The following CLDN10 variants were observed in gnomAD, a reference collection of about 807,000 sequenced individuals.
CLDN10 encodes the protein claudin 10, also known as claudin-10.
Under a neutral mutation model 22.9 loss-of-function variants are expected in CLDN10, and 15 were observed. The observed-to-expected ratio is 0.65, with a 90% confidence interval of 0.44 to 1.01. The LOEUF is 1.01. CLDN10 is among the 50% of genes least tolerant of loss of function. The pLI is 0.00. For synonymous variants in CLDN10, 114 were observed against 111.4 expected (o/e 1.02, Z -0.15); for missense variants, 247 against 287.8 (o/e 0.86, Z 1.03).
chr13:95,552,938 A>C lies in CLDN10; in HGVS notation c.185A>C (p.Asn62Thr), dbSNP rs374282781. The C allele has an allele frequency of 2.5e-6, 4 of 1,613,990 alleles. No individual in the cohort carries two copies. Among genetic ancestry groups the C allele is most frequent in the Non-Finnish European group, 3.4e-6 (4 of 1,179,960 alleles). The change falls in exon 1 of 5, where the codon AAC becomes ACC. Residue 62 changes from asparagine to threonine, a missense_variant. Transcript: ENST00000299339. The part of the protein sequence containing the change: ...ACVTDSTGVS[N>T]CKDFPSMLAL... ...GTTACCGACTCCACGGGCGTCTCCA[A>C]CTGCAAGGACTTCCCCTCCATGCTG...
intron 1 of CLDN10, among the ~76,000 whole-genome samples, chr13:95,439,234 G>A (rs141203416): frequency 9.9e-5 from 15 of 152,186 alleles, no homozygotes; most frequent in East Asian, 3.9e-4. Context: ...GTCCTAAATC[G>A]AGACACTGGC....
At chr13:95,525,942 T>C (rs1040773396) in intron 1 of CLDN10, among the ~76,000 whole-genome samples, 4 of 152,258 alleles carry the variant, frequency 2.6e-5, no homozygotes, top group Non-Finnish European at 5.9e-5. Flanking sequence ...TCTGGGTCTA[T>C]AAATCCTCTT....
upstream of CLDN10, among the ~76,000 whole-genome samples, chr13:95,550,481 ATAGGCG>A (rs2043551303): frequency 6.6e-6 from 1 of 152,226 alleles, no homozygotes; most frequent in Non-Finnish European, 1.5e-5. Flanking sequence ...AGTATCTACC[ATAGGCG>A]AGCCACGGTA....
intron 1 of CLDN10, among the ~76,000 whole-genome samples, chr13:95,444,890 G>A (rs2042357711): frequency 1.3e-5 from 2 of 152,170 alleles, no homozygotes; most frequent in African/African-American, 2.4e-5. Flanking sequence ...CTCCTCCAGG[G>A]TTCAAGTGAT....
chr13:95,516,775 A>G (rs2043171538), intron 1 of CLDN10, among the ~76,000 whole-genome samples: 1 of 152,072 alleles, frequency 6.6e-6, no homozygotes, highest in Non-Finnish European at 1.5e-5. Flanking sequence ...GGGGAATCTC[A>G]TCTTCTTAAG....
intron 1 of CLDN10, among the ~76,000 whole-genome samples, chr13:95,526,811 TAAATAAATAAAC>T (rs2043286531): frequency 9.1e-6 from 1 of 110,266 alleles, no homozygotes; most frequent in Non-Finnish European, 1.9e-5. Flanking sequence ...AATAAATAAA[TAAATAAATAAAC>T]ATGGCGAGAA....
At chr13:95,488,511 G>A (rs1366492606) in intron 1 of CLDN10, among the ~76,000 whole-genome samples, 2 of 94,696 alleles carry the variant, frequency 2.1e-5, no homozygotes, top group Admixed American at 9.9e-5. Flanking sequence ...TTTATCCCTT[G>A]CCCCCTCCCA....
intron 1 of CLDN10, among the ~76,000 whole-genome samples, chr13:95,446,802 A>G (rs1359996608): frequency 6.6e-6 from 1 of 152,146 alleles, no homozygotes; most frequent in East Asian, 1.9e-4. Flanking sequence ...AGATTGTGCC[A>G]CTGCACTCCA....
rs569110800 is a variant in CLDN10, at chr13:95,448,407, C to T, written c.214+14360C>T. ...GACCCAAATACAACAATGCAAGCTCCACACATAACTACCTACATACACATA... is the reference window on the plus strand; with the variant it reads ...GACCCAAATACAACAATGCAAGCTCTACACATAACTACCTACATACACATA... On this transcript the variant is annotated intron_variant, in intron 1 of 4. Transcript: ENST00000376873. 2.0e-5 allele frequency among the ~76,000 whole-genome samples: 3 copies of T among 152,302 alleles called. No homozygotes were observed. In the East Asian group the frequency reaches 5.8e-4, roughly 29 times the overall value.
intron 3 of CLDN10, among the ~76,000 whole-genome samples, chr13:95,567,033 A>G (rs2043796287): frequency 6.6e-6 from 1 of 152,128 alleles, no homozygotes; most frequent in South Asian, 2.1e-4. Flanking sequence ...GCCTTGTAGT[A>G]TAGTTTGAAG....
intron 1 of CLDN10, among the ~76,000 whole-genome samples, chr13:95,517,202 A>G (rs2043178240): frequency 6.7e-6 from 1 of 148,874 alleles, no homozygotes; most frequent in Admixed American, 6.7e-5. Flanking sequence ...TCTCTTTCCT[A>G]ACTTCCTTCC....
intron 1 of CLDN10, among the ~76,000 whole-genome samples, chr13:95,506,243 A>G (rs1246833244): frequency 6.6e-6 from 1 of 152,108 alleles, no homozygotes; most frequent in East Asian, 1.9e-4. Context: ...CCTGCCAAAC[A>G]GCTGAAATTT....
intron 1 of CLDN10, among the ~76,000 whole-genome samples, chr13:95,473,259 A>T (rs958281575): frequency 6.6e-6 from 1 of 152,182 alleles, no homozygotes; most frequent in African/African-American, 2.4e-5. Flanking sequence ...CACTAGGAAA[A>T]ATAGCTAATG....
chr13:95,448,165 C>G (rs550307352), intron 1 of CLDN10, among the ~76,000 whole-genome samples: 2 of 152,236 alleles, frequency 1.3e-5, no homozygotes, highest in Non-Finnish European at 2.9e-5. Flanking sequence ...TACTCATACA[C>G]ACAATCTCTT....
chr13:95,575,224 G>T (rs950622093), intron 3 of CLDN10, among the ~76,000 whole-genome samples: 1 of 152,202 alleles, frequency 6.6e-6, no homozygotes, highest in African/African-American at 2.4e-5. Context: ...GAGAAAAATA[G>T]AAAGCGTTAT....
chr13:95,463,329 C>CTT (rs2042554668), intron 1 of CLDN10, among the ~76,000 whole-genome samples: 1 of 22,052 alleles, frequency 4.5e-5, no homozygotes, highest in African/African-American at 1.5e-4. Flanking sequence ...TATATATTTG[C>CTT]CTTTTTTTTT....
At chr13:95,500,458 A>G (rs1265960117) in intron 1 of CLDN10, among the ~76,000 whole-genome samples, 4 of 152,168 alleles carry the variant, frequency 2.6e-5, no homozygotes, top group Non-Finnish European at 5.9e-5. Context: ...ATGGGAGACA[A>G]CTCACTACAT....
At chr13:95,470,533 C>T (rs1391126642) in intron 1 of CLDN10, among the ~76,000 whole-genome samples, 3 of 152,036 alleles carry the variant, frequency 2.0e-5, no homozygotes, top group African/African-American at 7.2e-5. Flanking sequence ...CCTTTTTCTT[C>T]TAAGTCAAAG....
chr13:95,578,765 T>A lies in CLDN10; in HGVS notation c.*751T>A, dbSNP rs1379142318. 1 of 152,230 alleles carries A rather than the reference T, an allele frequency of 6.6e-6. No individual in the cohort carries two copies. Among genetic ancestry groups the A allele is most frequent in the African/African-American group, 2.4e-5 (1 of 41,464 alleles). 9.4% of individuals were successfully genotyped at this position (152,230 alleles called of 1,614,324 possible). A position where few individuals can be genotyped will look rare whatever the true frequency, so the allele number is the denominator to read the frequency against. ...ATTAGTGAATATTTAGTTGTTTTCA[T>A]AAACGATGCTGTGATGAAGACTCAT... On this transcript the variant is annotated 3_prime_UTR_variant, in exon 5 of 5. Coordinates refer to ENST00000299339, the MANE Select transcript of CLDN10 (RefSeq NM_006984.5).
Sources: allele counts gnomAD v4.1 joint callset (sites outside exome capture counted in the v4.1 genomes callset), GRCh38; gene constraint gnomAD v4.1.1; transcripts MANE v1.5; gene names NCBI Gene and HGNC (gene_info 2026-07-23, HGNC 2026-07-21).